HIVEP2: variants seen among roughly 807,000 people sequenced by gnomAD.
HIVEP2 encodes transcription factor HIVEP2.
Under a neutral mutation model 180.7 loss-of-function variants are expected in HIVEP2, and 14 were observed. The observed-to-expected ratio is 0.08, with a 90% CI of 0.05 to 0.12. The LOEUF is 0.12. Ranked by LOEUF, HIVEP2 falls within the 10% of genes least tolerant of loss-of-function variation. The pLI, the probability that HIVEP2 is intolerant of heterozygous loss-of-function variation, is 1.00. For missense variants in HIVEP2, 2,579 were observed against 3,008.5 expected (o/e 0.86, Z 3.34); for synonymous variants, 1,184 against 1,136.4 (o/e 1.04, Z -0.84).
chr6:142,795,053 T>C (rs562882266), intron 2 of HIVEP2, among the ~76,000 whole-genome samples: 27 of 152,192 alleles, frequency 1.8e-4, no homozygotes, highest in African/African-American at 5.5e-4. Context: ...AACTCTTAAT[T>C]TGGGTTTCAG....
chr6:142,873,385 G>A (rs1776346229), intron 1 of HIVEP2, among the ~76,000 whole-genome samples: 1 of 152,014 alleles, frequency 6.6e-6, no homozygotes, highest in Admixed American at 6.6e-5. Flanking sequence ...GCAAATTCTG[G>A]GATGGACTGA....
At chr6:142,918,053 G>A (rs113573434) in intron 1 of HIVEP2, among the ~76,000 whole-genome samples, 3,040 of 150,722 alleles carry the variant, frequency 0.02, 52 homozygotes, top group Non-Finnish European at 0.034. Flanking sequence ...GATTATAGAC[G>A]TGAGCCATCA....
chr6:142,926,325 T>C (rs1268717546), intron 1 of HIVEP2, among the ~76,000 whole-genome samples: 1 of 152,218 alleles, frequency 6.6e-6, no homozygotes, highest in Non-Finnish European at 1.5e-5. Context: ...TCATATTCCC[T>C]AAATAACAAC....
At position 142,753,232 on chromosome 6, in the gene HIVEP2, G is replaced by T. The variant is rs368977482; in HGVS notation, c.7216C>A (p.His2406Asn). 6.2e-7 allele frequency: 1 copy of T among 1,614,116 alleles called. No homozygotes were observed. Among genetic ancestry groups the T allele is most frequent in the Non-Finnish European group, 8.5e-7 (1 of 1,179,942 alleles). The change falls in exon 10 of 10, where the codon CAC (histidine) becomes AAC (asparagine). Residue 2406 changes from histidine to asparagine, a missense_variant. Coordinates refer to ENST00000367603, the MANE Select transcript of HIVEP2 (RefSeq NM_006734.4). ...CAACTCTTGCTGTAAAACGTGGAGT[G>T]AGCTAATGGAGTCTGTGATGTACCA... ...NFGTSQTPLA[H>N]STFYSKSCVD...
chr6:142,805,062 C>T (rs1776513326), intron 2 of HIVEP2, among the ~76,000 whole-genome samples: 1 of 152,088 alleles, frequency 6.6e-6, no homozygotes, highest in South Asian at 2.1e-4. Context: ...CTACATAACG[C>T]CAGATTGTGA....
intron 1 of HIVEP2, among the ~76,000 whole-genome samples, chr6:142,903,158 T>C (rs1777173895): frequency 6.6e-6 from 1 of 152,224 alleles, no homozygotes; most frequent in Admixed American, 6.5e-5. Flanking sequence ...CCACAAGCAC[T>C]ATACCCCCAT....
Position 142,883,235 on chromosome 6 carries a change from T to C in HIVEP2, c.-640-46188A>G, listed in dbSNP as rs532764516. Among the ~76,000 whole-genome samples, 7 of 152,168 alleles carry C rather than the reference T, an allele frequency of 4.6e-5. No individual in the cohort carries two copies. The South Asian group carries it at 1.2e-3, about 27-fold the overall frequency. On this transcript the variant is annotated intron_variant, in intron 1 of 9. Transcript: ENST00000367603. ...AGCTTTGGGAGAAAAGATTTGCATA[T>C]GTAGTTACAAAAATACCAAAGCAGA...
intron 1 of HIVEP2, among the ~76,000 whole-genome samples, chr6:142,929,843 T>C (rs1777899774): frequency 6.6e-6 from 1 of 152,216 alleles, no homozygotes; most frequent in Admixed American, 6.5e-5. Flanking sequence ...CCAAGTTCTC[T>C]AACTCAAGAG....
At chr6:142,818,005 C>CA (rs199991919) in intron 2 of HIVEP2, among the ~76,000 whole-genome samples, 24,485 of 124,108 alleles carry the variant, frequency 0.2, 2,106 homozygotes, top group Middle Eastern at 0.25. Flanking sequence ...GACTCTGTCT[C>CA]AAAAAAAAAA....
At chr6:142,916,656 A>G (rs1777555761) in intron 1 of HIVEP2, among the ~76,000 whole-genome samples, 1 of 152,166 alleles carries the variant, frequency 6.6e-6, no homozygotes, top group African/African-American at 2.4e-5. Flanking sequence ...TGGCACCTTA[A>G]AAGCATAATT....
intron 1 of HIVEP2, among the ~76,000 whole-genome samples, chr6:142,899,461 C>A (rs1335304297): frequency 6.6e-6 from 1 of 152,170 alleles, no homozygotes; most frequent in Non-Finnish European, 1.5e-5. Flanking sequence ...ACCATTAGCT[C>A]CTTGGGGACA....
chr6:142,864,369 C>T (rs1582923873), intron 1 of HIVEP2, among the ~76,000 whole-genome samples: 2 of 152,156 alleles, frequency 1.3e-5, no homozygotes, highest in East Asian at 3.8e-4. Context: ...AGCTGTGTTC[C>T]TCAACATCAC....
intron 1 of HIVEP2, among the ~76,000 whole-genome samples, chr6:142,910,190 C>T (rs1582959329): frequency 6.6e-6 from 1 of 152,166 alleles, no homozygotes; most frequent in Non-Finnish European, 1.5e-5. Context: ...ATGCATTATC[C>T]GTTTCTTTCT....
chr6:142,904,173 C>A (rs185904858), intron 1 of HIVEP2, among the ~76,000 whole-genome samples: 1 of 152,234 alleles, frequency 6.6e-6, no homozygotes, highest in East Asian at 1.9e-4. Context: ...TTGGCAAGTA[C>A]CTCCAAATGA....
intron 1 of HIVEP2, among the ~76,000 whole-genome samples, chr6:142,853,999 T>C (rs1027438926): frequency 1.3e-5 from 2 of 152,326 alleles, no homozygotes; most frequent in South Asian, 2.1e-4. Flanking sequence ...CCATTCACTC[T>C]GTCACTGACT....
Position 142,770,421 on chromosome 6 carries a change from G to A in HIVEP2, c.4318C>T (p.Arg1440Ter). The change falls in exon 5 of 10, where the codon CGA becomes TGA. Residue 1440 changes from arginine to a stop codon, truncating the protein, a stop_gained. Transcript: ENST00000367603. LOFTEE classifies it high-confidence loss of function. This position sits in a 1 kb window ranked among gnomAD's most constrained non-coding sequence, Gnocchi z 4.7. The stretch of plus-strand genomic sequence containing the variant: ...AAGCTACTGGCTGGAGAAAGCATTC[G>A]CTTGCTACCTCCCAGGGTGGCCACG... ...DSVATLGGSK[R>*]MLSPASSLEL... 6.2e-7 allele frequency: 1 copy of A among 1,614,088 alleles called. No individual in the cohort carries two copies. Among genetic ancestry groups the A allele is most frequent in the Non-Finnish European group, 8.5e-7 (1 of 1,180,022 alleles).
At chr6:142,810,300 A>G (rs2114791243) in intron 2 of HIVEP2, among the ~76,000 whole-genome samples, 1 of 152,316 alleles carries the variant, frequency 6.6e-6, no homozygotes, top group African/African-American at 2.4e-5. Context: ...GTTTTTAATT[A>G]TAGTGTATTT....
intron 1 of HIVEP2, among the ~76,000 whole-genome samples, chr6:142,943,000 TTA>T (rs1394319388): frequency 6.6e-6 from 1 of 152,204 alleles, no homozygotes; most frequent in Non-Finnish European, 1.5e-5. Flanking sequence ...GTCAAAGGGA[TTA>T]TGACACTTGA....
At chr6:142,813,077 G>A (rs976493971) in intron 2 of HIVEP2, among the ~76,000 whole-genome samples, 1 of 151,990 alleles carries the variant, frequency 6.6e-6, no homozygotes, top group Admixed American at 6.6e-5. Flanking sequence ...GTTTATTTTT[G>A]TTAATAAAAT....
Sources: gnomAD v4.1 joint callset for allele counts (sites outside exome capture counted in the v4.1 genomes callset) on GRCh38, gnomAD v4.1.1 for gene constraint, Gnocchi (gnomAD v3.1) non-coding constraint, MANE v1.5 for transcripts, NCBI Gene and HGNC (gene_info 2026-07-23, HGNC 2026-07-21) for gene names.